Variants in UNC5C observed in about 807,000 individuals in gnomAD.
UNC5C encodes unc-5 netrin receptor C.
In UNC5C, 47 loss-of-function variants were observed where a neutral mutation model predicts 99.8. The observed-to-expected ratio is 0.47, with a 90% CI of 0.37 to 0.60. The LOEUF is 0.60. UNC5C is among the 20% of genes least tolerant of loss of function. The pLI is 0.00. For missense variants in UNC5C, 1,062 were observed against 1,165.9 expected, an observed-to-expected ratio of 0.91 and a Z score of 1.30; for synonymous variants, 487 against 452.2, an observed-to-expected ratio of 1.08 and a Z score of -0.98.
At chr4:95,303,535 G>A (rs997005127) in intron 2 of UNC5C, among the ~76,000 whole-genome samples, 40 of 152,174 alleles carry the variant, frequency 2.6e-4, no homozygotes, top group African/African-American at 9.7e-4. Context: ...AATTAGCTGG[G>A]CATGGTGGCG....
At chr4:95,404,519 T>A (rs1042611523) in intron 1 of UNC5C, among the ~76,000 whole-genome samples, 9 of 152,194 alleles carry the variant, frequency 5.9e-5, no homozygotes. Context: ...ACTATTCAAC[T>A]GTATAATAAT....
intron 1 of UNC5C, among the ~76,000 whole-genome samples, chr4:95,399,351 C>G (rs1360587877): frequency 1.3e-5 from 2 of 152,180 alleles, no homozygotes; most frequent in Non-Finnish European, 2.9e-5. Flanking sequence ...AAGCATCACA[C>G]TACATACAAG....
intron 1 of UNC5C, among the ~76,000 whole-genome samples, chr4:95,450,202 G>A (rs1450874852): frequency 1.3e-5 from 2 of 152,166 alleles, no homozygotes; most frequent in African/African-American, 4.8e-5. Context: ...TAAATTGTAA[G>A]GTGGTGCTTC....
chr4:95,488,761 C>T (rs17443101), intron 1 of UNC5C, among the ~76,000 whole-genome samples: 39,491 of 151,366 alleles, frequency 0.26, 6,399 homozygotes, highest in Non-Finnish European at 0.35. Context: ...TAGTTCTATT[C>T]GCAGCCTCAG....
At chr4:95,424,668 C>T (rs970866961) in intron 1 of UNC5C, among the ~76,000 whole-genome samples, 1 of 151,132 alleles carries the variant, frequency 6.6e-6, no homozygotes, top group Non-Finnish European at 1.5e-5. Flanking sequence ...ACTACAGGTG[C>T]CCCCCACCAC....
In UNC5C at chr4:95,301,629, C is replaced by T. The variant is rs781088734; in HGVS notation, c.467G>A (p.Arg156Gln). The change falls in exon 3 of 16, where the codon CGG becomes CAG. Residue 156 changes from arginine (R) to glutamine (Q), a missense_variant. Arg to Gln is a conservative substitution (Grantham distance 43). This residue lies in a region of UNC5C where 249 missense variants were observed against 295.1 expected (regional missense o/e 0.84). Coordinates refer to ENST00000453304, the MANE Select transcript of UNC5C (RefSeq NM_003728.4). The stretch of plus-strand genomic sequence containing the variant: ...ACATGCAATGCGCACATACGCCTTC[C>T]GGCTCTTTGTGGTACCCGCGGAGCT... ...AWSSAGTTKS[R>Q]KAYVRIAYLR... 4.8e-5 allele frequency: 78 copies of T among 1,613,906 alleles called. No individual in the cohort carries two copies. Among genetic ancestry groups the T allele is most frequent in the Non-Finnish European group, 6.3e-5 (74 of 1,180,006 alleles).
Position 95,163,337 on chromosome 4 carries a change from G to A in UNC5C, c.*5897C>T, listed in dbSNP as rs563752418. On this transcript the variant is annotated 3_prime_UTR_variant, in exon 16 of 16. Coordinates refer to ENST00000453304, the MANE Select transcript of UNC5C (RefSeq NM_003728.4). ...ATTTCTTGCTCTTATATGTCACTCC[G>A]AACAGAGTTGTTTTAACATTGAGAA... 3.0e-4 allele frequency: 45 copies of A among 152,248 alleles called. No individual in the cohort carries two copies. The highest frequency in any genetic ancestry group is 1.0e-3 in the African/African-American group (43 of 41,556). The allele number at this position is 152,248 out of a possible 1,614,324, so 9.4% of individuals were successfully genotyped here. A position where few individuals can be genotyped will look rare whatever the true frequency, so the allele number is the denominator to read the frequency against.
At chr4:95,261,522 A>G (rs1281263337) in intron 4 of UNC5C, among the ~76,000 whole-genome samples, 1 of 152,188 alleles carries the variant, frequency 6.6e-6, no homozygotes, top group African/African-American at 2.4e-5. Context: ...AATCATATAA[A>G]GTTTCCTAAA....
intron 7 of UNC5C, among the ~76,000 whole-genome samples, chr4:95,233,443 T>G (rs906237588): frequency 5.3e-5 from 8 of 152,132 alleles, no homozygotes; most frequent in Non-Finnish European, 1.2e-4. Context: ...AAAACTAAAA[T>G]CTATAGGAAT....
intron 1 of UNC5C, among the ~76,000 whole-genome samples, chr4:95,343,700 G>T (rs574034445): frequency 1.3e-5 from 2 of 151,970 alleles, no homozygotes; most frequent in South Asian, 2.1e-4. Context: ...ACATAGAGAA[G>T]GAATTCAGAA....
intron 1 of UNC5C, among the ~76,000 whole-genome samples, chr4:95,477,513 T>C (rs1021158596): frequency 2.6e-5 from 4 of 152,022 alleles, no homozygotes; most frequent in Admixed American, 6.6e-5. Context: ...AGGGGCACCA[T>C]TGCCTCCCAG....
At chr4:95,456,688 A>C (rs2149469342) in intron 1 of UNC5C, among the ~76,000 whole-genome samples, 1 of 152,280 alleles carries the variant, frequency 6.6e-6, no homozygotes, top group African/African-American at 2.4e-5. Flanking sequence ...AAGTTGAAGA[A>C]GGTGAAGTTA....
At chr4:95,303,864 A>C (rs529307411) in intron 2 of UNC5C, among the ~76,000 whole-genome samples, 3 of 152,176 alleles carry the variant, frequency 2.0e-5, no homozygotes, top group Non-Finnish European at 1.5e-5. Context: ...TAGTTTAATA[A>C]GTTCATAAAA....
intron 2 of UNC5C, among the ~76,000 whole-genome samples, chr4:95,319,012 C>T (rs975754912): frequency 6.6e-6 from 1 of 152,186 alleles, no homozygotes; most frequent in East Asian, 1.9e-4. Flanking sequence ...CTGGAATATC[C>T]TTAAGTGCAG....
intron 1 of UNC5C, among the ~76,000 whole-genome samples, chr4:95,445,060 TA>T (rs1186926383): frequency 6.6e-6 from 1 of 152,068 alleles, no homozygotes; most frequent in East Asian, 1.9e-4. Context: ...CGAATCCAAT[TA>T]AAAAAATGAC....
chr4:95,342,320 C>G (rs1452607910), intron 1 of UNC5C, among the ~76,000 whole-genome samples: 1 of 151,990 alleles, frequency 6.6e-6, no homozygotes, highest in Non-Finnish European at 1.5e-5. Flanking sequence ...TAGCTACCAG[C>G]TCAGCCACGG....
chr4:95,374,316 T>C lies in UNC5C; in HGVS notation c.125-38685A>G, dbSNP rs571081326. ...TATTATCCTCTAATCTTGACAAATATATCTTCTAGAGATATATTATAAAGC... is the reference window on the plus strand; with the variant it reads ...TATTATCCTCTAATCTTGACAAATACATCTTCTAGAGATATATTATAAAGC... On this transcript the variant is annotated intron_variant, in intron 1 of 15. Coordinates refer to ENST00000453304, the MANE Select transcript of UNC5C (RefSeq NM_003728.4). 2.0e-5 allele frequency among the ~76,000 whole-genome samples: 3 copies of C among 152,292 alleles called. No individual in the cohort carries two copies. In the South Asian group the frequency reaches 6.2e-4, roughly 32 times the overall value.
At chr4:95,271,262 C>T (rs1166986716) in intron 4 of UNC5C, among the ~76,000 whole-genome samples, 1 of 151,232 alleles carries the variant, frequency 6.6e-6, no homozygotes, top group Non-Finnish European at 1.5e-5. Context: ...GAGTCTCGCT[C>T]TGTCGCCCAG....
intron 2 of UNC5C, among the ~76,000 whole-genome samples, chr4:95,314,567 G>A (rs1377329292): frequency 6.6e-6 from 1 of 152,182 alleles, no homozygotes; most frequent in East Asian, 1.9e-4. Context: ...AAATTACTAA[G>A]TAGGTTAGTT....
Sources: gnomAD v4.1 joint callset for allele counts (sites outside exome capture counted in the v4.1 genomes callset) on GRCh38, gnomAD v4.1.1 for gene constraint, gnomAD v4.1.1 regional missense constraint, MANE v1.5 for transcripts, NCBI Gene and HGNC (gene_info 2026-07-23, HGNC 2026-07-21) for gene names.